Variants in PPP2R2B observed in about 807,000 individuals in gnomAD.
The protein encoded by PPP2R2B is protein phosphatase 2 regulatory subunit Bbeta, also known as serine/threonine-protein phosphatase 2A 55 kDa regulatory subunit B beta isoform.
PPP2R2B carries 5 observed loss-of-function variants against 46.0 expected under a neutral mutation model. The observed-to-expected ratio is 0.11, with a 90% CI of 0.06 to 0.23. PPP2R2B has a LOEUF of 0.23. Among genes scored for constraint, PPP2R2B ranks in the 10% least tolerant of loss-of-function variants. The probability of loss-of-function intolerance (pLI) is 1.00; values close to 1 mark genes in which losing one functional copy is unlikely to be tolerated. For synonymous variants in PPP2R2B, 215 were observed against 206.7 expected, an observed-to-expected ratio of 1.04 and a Z score of -0.34; for missense variants, 367 against 575.0, an observed-to-expected ratio of 0.64 and a Z score of 3.70.
intron 1 of PPP2R2B, among the ~76,000 whole-genome samples, chr5:146,988,103 G>GT (rs1753515150): frequency 6.6e-6 from 1 of 151,896 alleles, no homozygotes. Flanking sequence ...CAACACTAGA[G>GT]TACCTAATTA....
At chr5:146,807,656 C>G (rs1051057757) in intron 2 of PPP2R2B, among the ~76,000 whole-genome samples, 47 of 151,666 alleles carry the variant, frequency 3.1e-4, no homozygotes, top group Non-Finnish European at 6.5e-4. Context: ...TGCCCAAATT[C>G]CAAGCCAGAA....
chr5:146,672,131 G>A lies in PPP2R2B; in HGVS notation c.447+18997C>T, dbSNP rs986941979. On this transcript the variant is annotated intron_variant, in intron 5 of 9. Transcript: ENST00000394411. ...AGAATGTGCCAAAAAGAAAGACATA[G>A]GGAAGCAAAATTATTTGCTGCTGCT... 3.9e-5 allele frequency among the ~76,000 whole-genome samples: 6 copies of A among 152,180 alleles called. 1 individual carries two copies. The East Asian group carries it at 5.8e-4, about 15-fold the overall frequency.
At chr5:146,701,796 A>C (rs1779554761) in intron 2 of PPP2R2B, among the ~76,000 whole-genome samples, 3 of 152,174 alleles carry the variant, frequency 2.0e-5, no homozygotes, top group Admixed American at 2.0e-4. Context: ...AGGGCAGAGA[A>C]GTGAGGGCAA....
intron 2 of PPP2R2B, among the ~76,000 whole-genome samples, chr5:146,758,892 T>C (rs1753993271): frequency 6.6e-6 from 1 of 152,182 alleles, no homozygotes. Flanking sequence ...CCCTAGGTTT[T>C]TTTACTTCCA....
At chr5:146,979,003 T>G (rs751374779) in intron 1 of PPP2R2B, among the ~76,000 whole-genome samples, 1 of 152,220 alleles carries the variant, frequency 6.6e-6, no homozygotes, top group Non-Finnish European at 1.5e-5. Context: ...AACTTTCCAA[T>G]AGTTCTCCAT....
chr5:146,878,231 T>C lies in PPP2R2B; in HGVS notation c.-124-36A>G. ...GACGGGGAGGCGGAGAGAAAAAAAATAAAAACCCGGCAATGGAGCTGTCAC... is the reference window on the plus strand; with the variant it reads ...GACGGGGAGGCGGAGAGAAAAAAAACAAAAACCCGGCAATGGAGCTGTCAC... On this transcript the variant is annotated intron_variant, in intron 1 of 9. Coordinates refer to ENST00000394411, the MANE Select transcript of PPP2R2B (RefSeq NM_181675.4). The surrounding 1 kb of genome is among the most constrained non-coding windows in gnomAD (Gnocchi z 4.5). 2 of 1,529,546 alleles carry C rather than the reference T, an allele frequency of 1.3e-6. No individual in the cohort carries two copies. The highest frequency in any genetic ancestry group is 1.8e-6 in the Non-Finnish European group (2 of 1,139,550). 94.7% of individuals were successfully genotyped at this position (1,529,546 alleles called of 1,614,324 possible).
rs1398670951 is a variant in PPP2R2B at position 147,024,024 on chromosome 5, A to T, written c.79+31641T>A. On this transcript the variant is annotated intron_variant, in intron 1 of 8. Coordinates refer to the PPP2R2B transcript ENST00000336640. ...CGGAGTTCCATCATTGGCTCCCATC[A>T]TTCTTGGCCTTTGGGCCCAGACTGA... Among the ~76,000 whole-genome samples the T allele has an allele frequency of 2.6e-5, 4 of 152,160 alleles. 1 individual carries two copies. Among genetic ancestry groups the T allele is most frequent in the African/African-American group, 7.2e-5 (3 of 41,442 alleles).
intron 2 of PPP2R2B, among the ~76,000 whole-genome samples, chr5:146,764,287 T>C (rs553821844): frequency 1.7e-4 from 26 of 152,268 alleles, no homozygotes; most frequent in Non-Finnish European, 3.1e-4. Flanking sequence ...GAATTTACCC[T>C]GAGAAGCCAG....
chr5:146,963,142 G>C (rs1214715006), intron 1 of PPP2R2B, among the ~76,000 whole-genome samples: 1 of 152,074 alleles, frequency 6.6e-6, no homozygotes, highest in Non-Finnish European at 1.5e-5. Flanking sequence ...TCCCATTTAG[G>C]GGCATTTCCT....
chr5:146,928,502 C>G (rs1763862768), intron 1 of PPP2R2B, among the ~76,000 whole-genome samples: 1 of 152,094 alleles, frequency 6.6e-6, no homozygotes, highest in Admixed American at 6.6e-5. Flanking sequence ...TCTTCATTCT[C>G]TCTCATACCA....
chr5:146,754,797 G>T (rs925099926), intron 2 of PPP2R2B, among the ~76,000 whole-genome samples: 1 of 152,170 alleles, frequency 6.6e-6, no homozygotes, highest in African/African-American at 2.4e-5. Flanking sequence ...AGCCAGTGAT[G>T]GACAGAAGAC....
chr5:147,019,273 C>T (rs1256422481), intron 1 of PPP2R2B, among the ~76,000 whole-genome samples: 1 of 152,072 alleles, frequency 6.6e-6, no homozygotes, highest in East Asian at 1.9e-4. Flanking sequence ...AAAACAGTAG[C>T]TGTTTGAAGA....
At chr5:146,637,001 C>T (rs1213709428) in intron 7 of PPP2R2B, among the ~76,000 whole-genome samples, 1 of 152,166 alleles carries the variant, frequency 6.6e-6, no homozygotes, top group Non-Finnish European at 1.5e-5. Flanking sequence ...TTTCAAATGT[C>T]TCAACCGTCT....
rs143903803 is a variant in PPP2R2B, at chr5:146,743,389, T to G, written c.71-42247A>C. Among the ~76,000 whole-genome samples the G allele has an allele frequency of 3.5e-4, 54 of 152,334 alleles. No individual in the cohort carries two copies. The East Asian group carries it at 5.2e-3, about 15-fold the overall frequency. On this transcript the variant is annotated intron_variant, in intron 2 of 9. Transcript: ENST00000394411. Reference sequence around the variant, plus strand: ...AATTTATAAAACTATCATGCGAGGCTAAAGGAAGGCATCATATTCAGCACT... The same window carrying G: ...AATTTATAAAACTATCATGCGAGGCGAAAGGAAGGCATCATATTCAGCACT...
chr5:146,755,307 T>C (rs2151243626), intron 2 of PPP2R2B, among the ~76,000 whole-genome samples: 1 of 152,340 alleles, frequency 6.6e-6, no homozygotes, highest in East Asian at 1.9e-4. Flanking sequence ...TCTACTACTT[T>C]GGAATTTCAT....
chr5:146,726,234 C>T (rs78672626), intron 2 of PPP2R2B, among the ~76,000 whole-genome samples: 12 of 152,134 alleles, frequency 7.9e-5, no homozygotes, highest in East Asian at 5.8e-4. Context: ...ACTTACTGGG[C>T]GTCAAACAAG....
chr5:147,006,339 CG>C (rs1250048189), intron 1 of PPP2R2B, among the ~76,000 whole-genome samples: 4 of 152,122 alleles, frequency 2.6e-5, no homozygotes, highest in African/African-American at 4.8e-5. Context: ...ATGGACTGAA[CG>C]AGGTCTTATT....
intron 1 of PPP2R2B, among the ~76,000 whole-genome samples, chr5:146,971,517 T>C (rs1752660091): frequency 1.3e-5 from 2 of 152,232 alleles, no homozygotes; most frequent in Admixed American, 1.3e-4. Context: ...ATGTGCAAAG[T>C]TATTTCCAAT....
chr5:146,581,029 C>T lies in PPP2R2B; in HGVS notation c.*8918G>A, dbSNP rs892711621. ...GTTTCTATGATATTTGTCTGATCTT[C>T]AATGAATGTATTAATTCTCGAGTTT... is the stretch of plus-strand genomic sequence containing the variant. On this transcript the variant is annotated 3_prime_UTR_variant, in exon 10 of 10. Coordinates refer to ENST00000394411, the MANE Select transcript of PPP2R2B (RefSeq NM_181675.4). 1 of 152,068 alleles carries T rather than the reference C, an allele frequency of 6.6e-6. No individual in the cohort carries two copies. Among genetic ancestry groups the T allele is most frequent in the African/African-American group, 2.4e-5 (1 of 41,384 alleles). 9.4% of individuals were successfully genotyped at this position (152,068 alleles called of 1,614,324 possible).
Sources: allele counts gnomAD v4.1 joint callset (sites outside exome capture counted in the v4.1 genomes callset), GRCh38; gene constraint gnomAD v4.1.1; non-coding constraint Gnocchi (gnomAD v3.1); transcripts MANE v1.5; gene names NCBI Gene and HGNC (gene_info 2026-07-23, HGNC 2026-07-21).